GLIS3: variants seen among roughly 807,000 people sequenced by gnomAD.
GLIS3 encodes zinc finger protein GLIS3.
A neutral mutation model predicts 78.6 loss-of-function variants in GLIS3; 53 were observed. The observed-to-expected ratio is 0.67, with a 90% CI of 0.54 to 0.85. The LOEUF (loss-of-function observed/expected upper bound fraction) is 0.85, where lower values mean the gene tolerates loss of function less well. Among genes scored for constraint, GLIS3 ranks in the 40% least tolerant of loss-of-function variants. The pLI, the probability that GLIS3 is intolerant of heterozygous loss-of-function variation, is 0.00. For synonymous variants in GLIS3, 684 were observed against 509.9 expected (o/e 1.34, Z -4.60); for missense variants, 1,703 against 1,231.1 (o/e 1.38, Z -5.74).
chr9:4,059,868 A>AAG (rs1247894742), intron 4 of GLIS3, among the ~76,000 whole-genome samples: 11 of 102,056 alleles, frequency 1.1e-4, no homozygotes, highest in Non-Finnish European at 2.1e-5. Flanking sequence ...GAGAGAGAGA[A>AAG]AGAGAGAGAC....
At chr9:4,279,373 T>A (rs1827343037) in intron 2 of GLIS3, among the ~76,000 whole-genome samples, 1 of 136,986 alleles carries the variant, frequency 7.3e-6, no homozygotes, top group East Asian at 2.1e-4. Context: ...ATAATACATA[T>A]TATATATATT....
At chr9:4,360,583 A>C in the GLIS3 span, among the ~76,000 whole-genome samples, 1 of 152,194 alleles carries the variant, frequency 6.6e-6, no homozygotes, top group Non-Finnish European at 1.5e-5. Flanking sequence ...ATGAGTTGAT[A>C]TTATCGGACC....
chr9:3,952,524 G>T (rs942990722), intron 4 of GLIS3, among the ~76,000 whole-genome samples: 1 of 152,060 alleles, frequency 6.6e-6, no homozygotes, highest in African/African-American at 2.4e-5. Flanking sequence ...CCCACTCCTG[G>T]GTTCTGCATC....
the GLIS3 span, among the ~76,000 whole-genome samples, chr9:4,445,691 T>C: frequency 3.9e-5 from 6 of 151,950 alleles, no homozygotes; most frequent in Non-Finnish European, 7.4e-5. Flanking sequence ...CTGAGAAAAC[T>C]GAGGACAAGA....
chr9:4,131,668 T>G (rs564785725), intron 2 of GLIS3, among the ~76,000 whole-genome samples: 1 of 152,312 alleles, frequency 6.6e-6, no homozygotes, highest in Non-Finnish European at 1.5e-5. Context: ...CTGTTATGCT[T>G]CTTGTTAAGC....
intron 8 of GLIS3, among the ~76,000 whole-genome samples, chr9:3,864,067 C>A (rs1360887521): frequency 6.6e-6 from 1 of 152,064 alleles, no homozygotes; most frequent in African/African-American, 2.4e-5. Flanking sequence ...TCTGCCAAAT[C>A]CTCTCTTTAA....
At chr9:4,137,441 A>G (rs1423632961) in intron 2 of GLIS3, among the ~76,000 whole-genome samples, 1 of 152,146 alleles carries the variant, frequency 6.6e-6, no homozygotes, top group South Asian at 2.1e-4. Context: ...AGCATTACTC[A>G]CTGCAATTTA....
At chr9:4,264,895 A>G (rs1395303684) in intron 2 of GLIS3, among the ~76,000 whole-genome samples, 1 of 152,130 alleles carries the variant, frequency 6.6e-6, no homozygotes, top group African/African-American at 2.4e-5. Flanking sequence ...GGCCAGGCAC[A>G]GTGGCTCACG....
intron 1 of GLIS3, among the ~76,000 whole-genome samples, chr9:4,287,076 A>G (rs1462339851): frequency 6.6e-6 from 1 of 152,168 alleles, no homozygotes; most frequent in Non-Finnish European, 1.5e-5. Context: ...ATACCATAAA[A>G]TTTTTATATA....
intron 4 of GLIS3, among the ~76,000 whole-genome samples, chr9:4,023,761 C>G (rs558850670): frequency 1.2e-4 from 18 of 152,308 alleles, no homozygotes; most frequent in African/African-American, 4.1e-4. Context: ...TCCTCTCCTT[C>G]CTGTTGCAAT....
chr9:3,862,724 C>T (rs1205468404), intron 8 of GLIS3, among the ~76,000 whole-genome samples: 4 of 152,054 alleles, frequency 2.6e-5, no homozygotes, highest in East Asian at 1.9e-4. Context: ...GATTAAAAGG[C>T]GGTATGTGTT....
At chr9:4,110,473 C>T (rs1831118519) in intron 4 of GLIS3, among the ~76,000 whole-genome samples, 1 of 152,174 alleles carries the variant, frequency 6.6e-6, no homozygotes, top group Non-Finnish European at 1.5e-5. Flanking sequence ...TACTCAAGCT[C>T]AGAACCTGTG....
At chr9:4,093,538 G>A (rs1186759758) in intron 4 of GLIS3, among the ~76,000 whole-genome samples, 1 of 152,172 alleles carries the variant, frequency 6.6e-6, no homozygotes, top group African/African-American at 2.4e-5. Context: ...TAAATCCAAA[G>A]TCACTTGGTT....
chr9:4,260,302 C>T (rs917461994), intron 2 of GLIS3, among the ~76,000 whole-genome samples: 19 of 151,930 alleles, frequency 1.3e-4, no homozygotes, highest in African/African-American at 4.4e-4. Flanking sequence ...CACAGTGGCT[C>T]ACACCTGTAA....
chr9:3,887,684 C>G (rs955743567), intron 7 of GLIS3, among the ~76,000 whole-genome samples: 2 of 152,108 alleles, frequency 1.3e-5, no homozygotes, highest in African/African-American at 4.8e-5. Context: ...TCTGGAGTAC[C>G]CTGCAATACA....
chr9:4,457,613 T>G, the GLIS3 span, among the ~76,000 whole-genome samples: 23 of 151,958 alleles, frequency 1.5e-4, no homozygotes, highest in South Asian at 1.9e-3. Flanking sequence ...TTTGGGGGAC[T>G]GAGGCGGGTG....
At chr9:4,091,823 G>A (rs806041) in intron 4 of GLIS3, among the ~76,000 whole-genome samples, 29,683 of 151,954 alleles carry the variant, frequency 0.2, 4,415 homozygotes, top group African/African-American at 0.42. Flanking sequence ...TTATAGCAGC[G>A]TGAGAAACAG....
chr9:4,209,456 G>C (rs911653176), intron 2 of GLIS3, among the ~76,000 whole-genome samples: 2 of 152,138 alleles, frequency 1.3e-5, no homozygotes, highest in African/African-American at 2.4e-5. Context: ...CCTACTCCAG[G>C]TGGCAAGAGC....
intron 4 of GLIS3, among the ~76,000 whole-genome samples, chr9:3,998,317 C>T (rs781371919): frequency 4.6e-5 from 7 of 152,094 alleles, no homozygotes; most frequent in East Asian, 1.9e-4. Context: ...ATTCTCCAGA[C>T]GCCTTCAATG....
Sources: allele counts gnomAD v4.1 joint callset (sites outside exome capture counted in the v4.1 genomes callset), GRCh38; gene constraint gnomAD v4.1.1; transcripts MANE v1.5; gene names NCBI Gene and HGNC (gene_info 2026-07-23, HGNC 2026-07-21).